KIF26B: variants seen among roughly 807,000 people sequenced by gnomAD.
The protein encoded by KIF26B is kinesin-like protein KIF26B.
KIF26B carries 63 observed loss-of-function variants against 151.2 expected under a neutral mutation model. The ratio of observed to expected loss-of-function variants is 0.42; its 90% CI spans 0.34 to 0.51. The LOEUF (loss-of-function observed/expected upper bound fraction) is 0.51. KIF26B is among the 20% of genes least tolerant of loss of function. The probability of loss-of-function intolerance (pLI) is 0.07; values close to 1 mark genes in which losing one functional copy is unlikely to be tolerated. For synonymous variants in KIF26B, 1,357 were observed against 1,262.1 expected, an observed-to-expected ratio of 1.08 and a Z score of -1.59; for missense variants, 2,813 against 2,913.6, an observed-to-expected ratio of 0.97 and a Z score of 0.79.
intron 3 of KIF26B, among the ~76,000 whole-genome samples, chr1:245,397,067 C>T (rs980355743): frequency 9.2e-5 from 14 of 151,714 alleles, no homozygotes; most frequent in Admixed American, 7.9e-4. Flanking sequence ...TCAAGCAATC[C>T]TCACACCACA....
chr1:245,371,792 C>T, intron 3 of KIF26B: 1 of 152,210 alleles, frequency 6.6e-6, no homozygotes, highest in Admixed American at 6.5e-5. Flanking sequence ...CTGTAAGCAT[C>T]ACAGATAAAT....
Position 245,698,802 on chromosome 1 carries a change from T to A in KIF26B, c.6028-85T>A, listed in dbSNP as rs1373503938. 6.6e-7 allele frequency: 1 copy of A among 1,506,954 alleles called. No individual in the cohort carries two copies. The highest frequency in any genetic ancestry group is 2.3e-5 in the East Asian group (1 of 43,698). 93.3% of individuals were successfully genotyped at this position (1,506,954 alleles called of 1,614,324 possible). On this transcript the variant is annotated intron_variant, in intron 13 of 14. Transcript: ENST00000407071. This position sits in a 1 kb window ranked among gnomAD's most constrained non-coding sequence, Gnocchi z 4.0. ...ACACGTCTCCAAGCCCAGCCTGTTT[T>A]CCATCAACGATACTCACAGGTGCTC... is the stretch of plus-strand genomic sequence containing the variant.
chr1:245,299,801 A>G (rs988053404), intron 2 of KIF26B, among the ~76,000 whole-genome samples: 1 of 152,218 alleles, frequency 6.6e-6, no homozygotes, highest in Non-Finnish European at 1.5e-5. Context: ...AATATCAGCA[A>G]TAGCCACCAT....
At chr1:245,613,464 G>C (rs186805656) in intron 9 of KIF26B, among the ~76,000 whole-genome samples, 16 of 152,276 alleles carry the variant, frequency 1.1e-4, no homozygotes, top group African/African-American at 3.9e-4. Flanking sequence ...TTAGCTGGGC[G>C]TGGTGGCACA....
chr1:245,585,533 A>T (rs570200767), intron 5 of KIF26B, among the ~76,000 whole-genome samples: 1 of 116,038 alleles, frequency 8.6e-6, no homozygotes. Context: ...TCCACTAGGG[A>T]AAAAAAAAAA....
Position 245,504,343 on chromosome 1 carries a change from CCTCCCTCCCTCCCTTCCTCTCTTT to C in KIF26B, c.1167-36411_1167-36388del, listed in dbSNP as rs1233105805. Among the ~76,000 whole-genome samples, 20 of 94,050 alleles carry C rather than the reference CCTCCCTCCCTCCCTTCCTCTCTTT, an allele frequency of 2.1e-4. No individual in the cohort carries two copies. The South Asian group carries it at 6.0e-3, about 28-fold the overall frequency. 61.7% of individuals were successfully genotyped at this position (94,050 alleles called of 152,430 possible). A position where few individuals can be genotyped will look rare whatever the true frequency, so the allele number is the denominator to read the frequency against. ...CTGCCCTTCCTTCCTTCCCTCCTTC[CCTCCCTCCCTCCCTTCCTCTCTTT>C]CTCCCTCCCTCCTTCCCTCCTTCCC... On this transcript the variant is annotated intron_variant, in intron 4 of 14. Transcript: ENST00000407071.
intron 3 of KIF26B, among the ~76,000 whole-genome samples, chr1:245,376,077 G>A (rs1019983585): frequency 6.6e-6 from 1 of 152,142 alleles, no homozygotes; most frequent in Non-Finnish European, 1.5e-5. Flanking sequence ...TTCCAAGCTG[G>A]GGGTGGGAGG....
intron 9 of KIF26B, among the ~76,000 whole-genome samples, chr1:245,636,860 TTG>T (rs34722448): frequency 0.018 from 2,619 of 149,204 alleles, 52 homozygotes; most frequent in Admixed American, 0.067. Flanking sequence ...TAATATTCCA[TTG>T]TGTGTGTGTG....
chr1:245,374,546 T>C (rs1673227633), intron 3 of KIF26B, among the ~76,000 whole-genome samples: 2 of 152,052 alleles, frequency 1.3e-5, no homozygotes, highest in African/African-American at 4.8e-5. Context: ...TGCCCTGAAA[T>C]ATGCAGCACA....
chr1:245,167,368 AT>A lies in KIF26B; in HGVS notation c.465+10690del, dbSNP rs1668632595. ...AACCTAGGAACCGATAGAACTTGAGATTTTTCTGCAGTGTAATTTTGTCTTT... is the reference window on the plus strand; with the variant it reads ...AACCTAGGAACCGATAGAACTTGAGATTTTCTGCAGTGTAATTTTGTCTTT... On this transcript the variant is annotated intron_variant, in intron 2 of 14. Coordinates refer to ENST00000407071, the MANE Select transcript of KIF26B (RefSeq NM_018012.4). The surrounding 1 kb of genome is among the most constrained non-coding windows in gnomAD (Gnocchi z 4.2). Among the ~76,000 whole-genome samples, 1 of 151,980 alleles carries A rather than the reference AT, an allele frequency of 6.6e-6. No individual in the cohort carries two copies. The highest frequency in any genetic ancestry group is 2.4e-5 in the African/African-American group (1 of 41,380).
At chr1:245,545,269 T>G (rs549480985) in intron 5 of KIF26B, among the ~76,000 whole-genome samples, 1 of 152,190 alleles carries the variant, frequency 6.6e-6, no homozygotes, top group African/African-American at 2.4e-5. Context: ...ACCCAGTTAA[T>G]TTTTGTATTT....
chr1:245,691,133 T>G (rs1239794632), intron 12 of KIF26B, among the ~76,000 whole-genome samples: 1 of 152,252 alleles, frequency 6.6e-6, no homozygotes, highest in East Asian at 1.9e-4. Context: ...TTTCATTATT[T>G]CCGTGGCTTT....
At chr1:245,435,128 T>TACCC (rs1293384265) in intron 4 of KIF26B, among the ~76,000 whole-genome samples, 2 of 118,614 alleles carry the variant, frequency 1.7e-5, no homozygotes, top group Non-Finnish European at 3.6e-5. Flanking sequence ...TCTCTCCATC[T>TACCC]ACCCATCCAT....
chr1:245,341,941 T>C (rs1672342748), intron 2 of KIF26B, among the ~76,000 whole-genome samples: 1 of 152,186 alleles, frequency 6.6e-6, no homozygotes, highest in East Asian at 1.9e-4. Flanking sequence ...TAGCATGACA[T>C]TGTATCACAG....
At position 245,632,392 on chromosome 1, in the gene KIF26B, G is replaced by C. The variant is rs552286288; in HGVS notation, c.2099-13729G>C. ...AATTGTGATCTAAGATGCTTGATAT[G>C]ATTTCAACTTTTAAAAATGTGTTGA... On this transcript the variant is annotated intron_variant, in intron 9 of 14. Coordinates refer to ENST00000407071, the MANE Select transcript of KIF26B (RefSeq NM_018012.4). Among the ~76,000 whole-genome samples, 395 of 152,274 alleles carry C rather than the reference G, an allele frequency of 2.6e-3. 4 individuals carry two copies. The highest frequency in any genetic ancestry group is 0.02 in the Middle Eastern group (6 of 294).
At chr1:245,157,830 T>C (rs1260648597) in intron 2 of KIF26B, among the ~76,000 whole-genome samples, 1 of 152,272 alleles carries the variant, frequency 6.6e-6, no homozygotes, top group Non-Finnish European at 1.5e-5. Flanking sequence ...TCTTGCGTGC[T>C]AGACCTTCCG....
chr1:245,689,451 A>G (rs1322976328), intron 12 of KIF26B, among the ~76,000 whole-genome samples: 3 of 152,118 alleles, frequency 2.0e-5, no homozygotes, highest in African/African-American at 4.8e-5. Context: ...CACCCCAAAC[A>G]TATTTGTGGA....
chr1:245,483,624 G>A (rs1004004385), intron 4 of KIF26B, among the ~76,000 whole-genome samples: 5 of 151,916 alleles, frequency 3.3e-5, no homozygotes, highest in Admixed American at 1.3e-4. Context: ...ATGTTCCCAC[G>A]GTCCCATTCC....
intron 4 of KIF26B, among the ~76,000 whole-genome samples, chr1:245,474,486 A>G (rs1429221780): frequency 6.8e-6 from 1 of 146,030 alleles, no homozygotes; most frequent in Non-Finnish European, 1.5e-5. Flanking sequence ...ATCTTGGCTC[A>G]CTGCAACCTC....
Sources: allele counts gnomAD v4.1 joint callset (sites outside exome capture counted in the v4.1 genomes callset), GRCh38; gene constraint gnomAD v4.1.1; non-coding constraint Gnocchi (gnomAD v3.1); transcripts MANE v1.5; gene names NCBI Gene and HGNC (gene_info 2026-07-23, HGNC 2026-07-21).